The following NEBL variants were observed in gnomAD, a reference collection of about 807,000 sequenced individuals.
NEBL encodes nebulette, also known as LIM and SH3 protein 2.
Under a neutral mutation model 140.2 loss-of-function variants are expected in NEBL, and 122 were observed. The observed-to-expected ratio is 0.87, with a 90% CI of 0.75 to 1.01. NEBL has a LOEUF of 1.01. Among genes scored for constraint, NEBL ranks in the 50% least tolerant of loss-of-function variants. The pLI is 0.00. For synonymous variants in NEBL, 436 were observed against 398.9 expected, an observed-to-expected ratio of 1.09 and a Z score of -1.11; for missense variants, 1,365 against 1,231.3, an observed-to-expected ratio of 1.11 and a Z score of -1.62.
At chr10:20,874,117 C>G (rs1180698438) in intron 5 of NEBL, among the ~76,000 whole-genome samples, 2 of 152,186 alleles carry the variant, frequency 1.3e-5, no homozygotes, top group African/African-American at 4.8e-5. Context: ...TGTGCTTGAT[C>G]TCTTCCTCTT....
At chr10:21,280,693 T>C (rs1052003683) in intron 1 of NEBL, among the ~76,000 whole-genome samples, 17 of 147,942 alleles carry the variant, frequency 1.1e-4, no homozygotes, top group African/African-American at 3.8e-4. Context: ...CTGCTCACTG[T>C]AACCTCCACC....
At chr10:20,798,969 G>A (rs1472379738) in intron 26 of NEBL, among the ~76,000 whole-genome samples, 1 of 152,014 alleles carries the variant, frequency 6.6e-6, no homozygotes, top group East Asian at 1.9e-4. Context: ...AAGTTTCGCT[G>A]CCCGAAACTT....
At chr10:21,229,665 T>TTCTATTCTATTCCCACTTGTTTC in intron 3 of NEBL, among the ~76,000 whole-genome samples, 1 of 152,186 alleles carries the variant, frequency 6.6e-6, no homozygotes, top group Non-Finnish European at 1.5e-5. Context: ...TTCTATTCTG[T>TTCTATTCTATTCCCACTTGTTTC]ATCTCTCAAG....
intron 2 of NEBL, among the ~76,000 whole-genome samples, chr10:21,151,805 A>C (rs1202130524): frequency 6.6e-6 from 1 of 152,222 alleles, no homozygotes; most frequent in Non-Finnish European, 1.5e-5. Context: ...GCAAAATTGC[A>C]AACTCTCCTC....
intron 3 of NEBL, among the ~76,000 whole-genome samples, chr10:21,231,120 G>T (rs143602351): frequency 2.0e-5 from 3 of 152,228 alleles, no homozygotes; most frequent in Non-Finnish European, 4.4e-5. Flanking sequence ...ATTCGTTCTT[G>T]CTGTGTCCTC....
In NEBL at chr10:20,908,455, G is replaced by C. The variant is rs79709336; in HGVS notation, c.357+53217C>G. Among the ~76,000 whole-genome samples, 371 of 152,252 alleles carry C rather than the reference G, an allele frequency of 2.4e-3. 2 individuals are homozygous for C. The highest frequency in any genetic ancestry group is 8.7e-3 in the African/African-American group (363 of 41,540). ...GATCAGTGAAAACAAGCCCCCATGGGCGTTAGAAGCAACAGGAAAGGCAGG... is the reference window on the plus strand; with the variant it reads ...GATCAGTGAAAACAAGCCCCCATGGCCGTTAGAAGCAACAGGAAAGGCAGG... On this transcript the variant is annotated intron_variant, in intron 4 of 6. Transcript: ENST00000417816.
intron 4 of NEBL, among the ~76,000 whole-genome samples, chr10:20,960,827 T>A (rs577137920): frequency 5.3e-5 from 8 of 152,246 alleles, no homozygotes; most frequent in African/African-American, 1.9e-4. Flanking sequence ...ACATCAGTTA[T>A]AACACCTAGA....
intron 20 of NEBL, chr10:20,819,088 A>G: frequency 9.9e-7 from 1 of 1,012,424 alleles, no homozygotes; most frequent in Middle Eastern, 4.5e-4. Flanking sequence ...TTTTAAGTTC[A>G]GCGGTACATG....
chr10:20,909,660 T>C (rs757446562), intron 4 of NEBL, among the ~76,000 whole-genome samples: 6 of 152,206 alleles, frequency 3.9e-5, no homozygotes, highest in Admixed American at 1.3e-4. Flanking sequence ...TTTTATACTA[T>C]ACAGTCTCTG....
intron 5 of NEBL, among the ~76,000 whole-genome samples, chr10:20,876,311 A>C (rs1646301462): frequency 6.6e-6 from 1 of 152,192 alleles, no homozygotes; most frequent in Admixed American, 6.5e-5. Context: ...TTCATGATTT[A>C]ATTTTATCAC....
chr10:21,119,394 T>G (rs969427901), intron 2 of NEBL, among the ~76,000 whole-genome samples: 1 of 151,262 alleles, frequency 6.6e-6, no homozygotes. Flanking sequence ...AACGTGTATA[T>G]GTGCAGGTAT....
chr10:20,957,694 G>A (rs1835871017), intron 4 of NEBL, among the ~76,000 whole-genome samples: 1 of 152,070 alleles, frequency 6.6e-6, no homozygotes. Context: ...TCAAGAACAC[G>A]CAGAAATCCT....
intron 1 of NEBL, among the ~76,000 whole-genome samples, chr10:21,255,530 G>T (rs990813406): frequency 6.6e-6 from 1 of 152,004 alleles, no homozygotes; most frequent in Non-Finnish European, 1.5e-5. Flanking sequence ...TGTAAATTTG[G>T]GTTCCTTCAT....
chr10:21,115,803 C>T (rs539687577), intron 2 of NEBL, among the ~76,000 whole-genome samples: 2 of 151,972 alleles, frequency 1.3e-5, no homozygotes, highest in African/African-American at 4.8e-5. Flanking sequence ...TCTGTTCCTT[C>T]CCAATCCGCT....
chr10:20,916,110 G>A (rs945457278), intron 4 of NEBL, among the ~76,000 whole-genome samples: 5 of 152,062 alleles, frequency 3.3e-5, no homozygotes, highest in Non-Finnish European at 7.3e-5. Flanking sequence ...AATGAATCAC[G>A]AGGTGATTAA....
At chr10:21,237,882 C>T (rs1276136499) in intron 3 of NEBL, among the ~76,000 whole-genome samples, 1 of 152,230 alleles carries the variant, frequency 6.6e-6, no homozygotes, top group African/African-American at 2.4e-5. Flanking sequence ...GCTGGGATTA[C>T]GAGCATGAGG....
At chr10:20,909,824 C>T (rs549836228) in intron 4 of NEBL, among the ~76,000 whole-genome samples, 1 of 151,952 alleles carries the variant, frequency 6.6e-6, no homozygotes, top group Non-Finnish European at 1.5e-5. Context: ...TATACAATGG[C>T]TTTAAGTCTT....
At chr10:20,938,305 C>T (rs560334178) in intron 4 of NEBL, among the ~76,000 whole-genome samples, 79 of 152,318 alleles carry the variant, frequency 5.2e-4, no homozygotes, top group Non-Finnish European at 9.4e-4. Flanking sequence ...CTGCAGCCTC[C>T]GCTGCTGATA....
At chr10:21,084,223 G>A (rs1032178358) in intron 2 of NEBL, among the ~76,000 whole-genome samples, 4 of 152,230 alleles carry the variant, frequency 2.6e-5, no homozygotes, top group African/African-American at 7.2e-5. Context: ...ACCGCAAGTG[G>A]TCACAGTGTG....
Sources: allele counts gnomAD v4.1 joint callset (sites outside exome capture counted in the v4.1 genomes callset), GRCh38; gene constraint gnomAD v4.1.1; transcripts MANE v1.5; gene names NCBI Gene and HGNC (gene_info 2026-07-23, HGNC 2026-07-21).